The following DMD variants were observed in gnomAD, a reference collection of about 807,000 sequenced individuals.
DMD encodes the protein mutant dystrophin.
A neutral mutation model predicts 330.1 loss-of-function variants in DMD; 63 were observed. The observed-to-expected ratio is 0.19, with a 90% CI of 0.16 to 0.24. The LOEUF (loss-of-function observed/expected upper bound fraction) is 0.24. DMD is among the 10% of genes least tolerant of loss of function. DMD has a pLI of 1.00. For missense variants in DMD, 3,344 were observed against 2,684.1 expected, an observed-to-expected ratio of 1.25 and a Z score of -5.43; for synonymous variants, 1,223 against 959.8, an observed-to-expected ratio of 1.27 and a Z score of -5.07.
intron 1 of DMD, among the ~76,000 whole-genome samples, chrX:33,070,560 AAG>A (rs1219426208): frequency 9.3e-6 from 1 of 107,386 alleles, no homozygotes; most frequent in Non-Finnish European, 1.9e-5. Flanking sequence ...AAAATTAAAA[AAG>A]AGTATTTTAT....
intron 76 of DMD, among the ~76,000 whole-genome samples, chrX:31,137,133 C>G (rs1044881632): frequency 9.0e-6 from 1 of 111,435 alleles, no homozygotes; most frequent in African/African-American, 3.3e-5. Flanking sequence ...ATTCTCCTGC[C>G]TCAGCCTCCT....
At chrX:33,076,855 A>G (rs1016507105) in intron 1 of DMD, among the ~76,000 whole-genome samples, 17 of 111,612 alleles carry the variant, frequency 1.5e-4, no homozygotes, top group African/African-American at 4.9e-4. Flanking sequence ...GCTGTGCGGG[A>G]GACCGAAGTT....
At position 31,126,214 on chromosome X, in the gene DMD, G is replaced by C. The variant is rs73460269; in HGVS notation, c.11046+428C>G. Among the ~76,000 whole-genome samples the C allele has an allele frequency of 9.5e-3, 1,061 of 111,863 alleles. 10 individuals are homozygous for C. Among genetic ancestry groups the C allele is most frequent in the African/African-American group, 0.032 (980 of 30,812 alleles). ...AAAAAGGAAACAAAAGCAAAATGAA[G>C]TCATCCCAGAAGAATAAAAACTAAG... On this transcript the variant is annotated intron_variant, in intron 78 of 78. Coordinates refer to ENST00000357033, the MANE Select transcript of DMD (RefSeq NM_004006.3).
intron 60 of DMD, among the ~76,000 whole-genome samples, chrX:31,418,894 C>T (rs1450097258): frequency 8.9e-6 from 1 of 112,320 alleles, no homozygotes; most frequent in African/African-American, 3.2e-5. Flanking sequence ...AAGGTGGTAA[C>T]AGTTATCAGG....
chrX:32,386,249 G>C (rs1002964947), intron 33 of DMD, 61 bp downstream of exon 33: 13 of 1,169,129 alleles, frequency 1.1e-5, no homozygotes, highest in Non-Finnish European at 1.5e-5. Context: ...TTTATTGCCC[G>C]TTGCTTTACA....
chrX:32,602,886 T>C (rs889547262), intron 12 of DMD, among the ~76,000 whole-genome samples: 2 of 111,297 alleles, frequency 1.8e-5, no homozygotes, highest in African/African-American at 6.5e-5. Context: ...TGGAGAGAAA[T>C]GGTCTCAAAG....
intron 13 of DMD, among the ~76,000 whole-genome samples, chrX:32,590,174 C>A (rs990973594): frequency 1.1e-4 from 12 of 111,776 alleles, no homozygotes; most frequent in Non-Finnish European, 1.3e-4. Context: ...TCAATTTTAG[C>A]GAATGTAGCT....
intron 5 of DMD, among the ~76,000 whole-genome samples, chrX:32,821,131 C>CT (rs1357606617): frequency 1.8e-5 from 2 of 111,201 alleles, no homozygotes; most frequent in African/African-American, 3.3e-5. Flanking sequence ...CTCTTCCCCT[C>CT]TCCCCGCTTA....
chrX:32,471,309 A>C (rs2040608031), intron 22 of DMD, among the ~76,000 whole-genome samples: 1 of 112,039 alleles, frequency 8.9e-6, no homozygotes, highest in Admixed American at 9.5e-5. Context: ...AAGTATTATA[A>C]AATCTCTTAC....
Position 31,777,735 on chromosome X carries a change from A to C in DMD, c.7310-3543T>G, listed in dbSNP as rs2090757377. Among the ~76,000 whole-genome samples, 3 of 112,003 alleles carry C rather than the reference A, an allele frequency of 2.7e-5. No individual in the cohort carries two copies. In the Admixed American group the frequency reaches 2.8e-4, roughly 11 times the overall value. On this transcript the variant is annotated intron_variant, in intron 50 of 78. Coordinates refer to ENST00000357033, the MANE Select transcript of DMD (RefSeq NM_004006.3). ...CCTGTGTAACTATGAAAACAGTACC[A>C]ATCTAATGGAATTGTGTTACGGATT...
intron 1 of DMD, among the ~76,000 whole-genome samples, chrX:33,046,815 CA>C (rs1292270621): frequency 8.9e-6 from 1 of 112,074 alleles, no homozygotes; most frequent in Admixed American, 9.5e-5. Context: ...GCAAAGTAAG[CA>C]AAATTGAGGA....
intron 1 of DMD, among the ~76,000 whole-genome samples, chrX:33,249,323 G>A (rs924716240): frequency 2.1e-4 from 23 of 110,501 alleles, no homozygotes; most frequent in African/African-American, 7.6e-4. Context: ...GCTAATTTTT[G>A]TATTTTCAGT....
chrX:32,480,919 G>A (rs2041827188), intron 21 of DMD, among the ~76,000 whole-genome samples: 1 of 110,479 alleles, frequency 9.1e-6, no homozygotes, highest in Non-Finnish European at 1.9e-5. Context: ...CAGATTATGT[G>A]TCTACTGGAA....
intron 42 of DMD, among the ~76,000 whole-genome samples, chrX:32,292,302 CTTT>C (rs10652780): frequency 3.2e-5 from 2 of 62,923 alleles, no homozygotes; most frequent in Non-Finnish European, 2.7e-5. Context: ...AGGGAATATT[CTTT>C]TTTTTTTTTT....
At chrX:32,085,107 GA>G (rs2096421051) in intron 44 of DMD, among the ~76,000 whole-genome samples, 1 of 110,386 alleles carries the variant, frequency 9.1e-6, no homozygotes, top group African/African-American at 3.3e-5. Context: ...AATATATGAA[GA>G]AAAAAGAAAA....
At chrX:32,867,242 T>C (rs1322418827) in intron 2 of DMD, among the ~76,000 whole-genome samples, 4 of 111,677 alleles carry the variant, frequency 3.6e-5, no homozygotes, top group African/African-American at 3.3e-5. Flanking sequence ...ATAAAAAGTG[T>C]GTTTATCTTG....
chrX:31,209,771 A>C, intron 64 of DMD, 72 bp from the exon 65 acceptor site: 1 of 1,015,320 alleles, frequency 9.8e-7, no homozygotes. Flanking sequence ...TTTTCCTCTG[A>C]GAATCCTAGC....
chrX:31,233,480 T>A (rs1195013777), intron 63 of DMD, among the ~76,000 whole-genome samples: 2 of 105,560 alleles, frequency 1.9e-5, no homozygotes, highest in Non-Finnish European at 3.8e-5. Flanking sequence ...CAAAGCCAAA[T>A]TCACAGATTT....
At chrX:31,395,607 A>G (rs1197317207) in intron 60 of DMD, among the ~76,000 whole-genome samples, 1 of 112,322 alleles carries the variant, frequency 8.9e-6, no homozygotes, top group Non-Finnish European at 1.9e-5. Context: ...TTTTGGCTTT[A>G]TAAAAATGAT....
Sources: allele counts gnomAD v4.1 joint callset (sites outside exome capture counted in the v4.1 genomes callset), GRCh38; gene constraint gnomAD v4.1.1; transcripts MANE v1.5; gene names NCBI Gene and HGNC (gene_info 2026-07-23, HGNC 2026-07-21).